Variants in GUCY1A2 observed in about 807,000 individuals in gnomAD.
The protein encoded by GUCY1A2 is guanylate cyclase soluble subunit alpha-2.
A neutral mutation model predicts 63.5 loss-of-function variants in GUCY1A2; 27 were observed. That is an observed-to-expected ratio of 0.43 (90% CI 0.31 to 0.59). GUCY1A2 has a LOEUF of 0.59. GUCY1A2 is among the 20% of genes least tolerant of loss of function. GUCY1A2 has a pLI of 0.11. For missense variants in GUCY1A2, 768 were observed against 913.3 expected, an observed-to-expected ratio of 0.84 and a Z score of 2.05; for synonymous variants, 364 against 343.5, an observed-to-expected ratio of 1.06 and a Z score of -0.66.
intron 5 of GUCY1A2, among the ~76,000 whole-genome samples, chr11:106,783,927 C>G (rs1864511081): frequency 6.6e-6 from 1 of 152,094 alleles, no homozygotes. Flanking sequence ...TCCACCCAAA[C>G]TTGGGCTCCA....
At chr11:106,772,885 A>C (rs2135399874) in intron 6 of GUCY1A2, among the ~76,000 whole-genome samples, 1 of 152,318 alleles carries the variant, frequency 6.6e-6, no homozygotes, top group South Asian at 2.1e-4. Flanking sequence ...GTGAGACAGT[A>C]TTCCTTTTGT....
rs549668323 is a variant in GUCY1A2 at position 106,842,707 on chromosome 11, G to A, written c.1207-32229C>T. On this transcript the variant is annotated intron_variant, in intron 4 of 7. Transcript: ENST00000526355. ...ACTTTAGTGTGAACCAGATCATAGT[G>A]GTGAGGAAAAAGGGGGTAGGGAGGA... is the stretch of plus-strand genomic sequence containing the variant. Among the ~76,000 whole-genome samples, 3 of 152,058 alleles carry A rather than the reference G, an allele frequency of 2.0e-5. No homozygotes were observed. The East Asian group carries it at 5.8e-4, about 30-fold the overall frequency.
intron 4 of GUCY1A2, among the ~76,000 whole-genome samples, chr11:106,858,514 T>C (rs971182753): frequency 1.3e-5 from 2 of 152,070 alleles, no homozygotes; most frequent in Non-Finnish European, 2.9e-5. Context: ...TATGGGGAAT[T>C]AGGAAACTTG....
intron 6 of GUCY1A2, among the ~76,000 whole-genome samples, chr11:106,709,319 A>T (rs1313955305): frequency 7.9e-5 from 5 of 63,380 alleles, no homozygotes; most frequent in African/African-American, 1.1e-4. Context: ...ATATATATTT[A>T]TATATATTAT....
intron 4 of GUCY1A2, among the ~76,000 whole-genome samples, chr11:106,898,141 G>A (rs1452831265): frequency 6.6e-6 from 1 of 152,112 alleles, no homozygotes; most frequent in Non-Finnish European, 1.5e-5. Context: ...TTAAAACAAT[G>A]AGATACCACT....
chr11:106,980,386 C>T (rs1269641680), intron 2 of GUCY1A2, among the ~76,000 whole-genome samples: 1 of 152,206 alleles, frequency 6.6e-6, no homozygotes, highest in African/African-American at 2.4e-5. Flanking sequence ...CTAGTGAGGG[C>T]ATGACAGCCA....
intron 1 of GUCY1A2, among the ~76,000 whole-genome samples, chr11:106,997,654 G>A (rs922434093): frequency 6.6e-5 from 8 of 120,986 alleles, no homozygotes; most frequent in African/African-American, 2.6e-4. Context: ...ATATATTAAG[G>A]TTAGACCTCT....
chr11:107,010,212 C>T (rs1861724616), intron 1 of GUCY1A2, among the ~76,000 whole-genome samples: 1 of 152,166 alleles, frequency 6.6e-6, no homozygotes, highest in Non-Finnish European at 1.5e-5. Flanking sequence ...ATGACTCTAG[C>T]CCTCAATGTT....
At chr11:106,959,960 C>G (rs1251811776) in intron 3 of GUCY1A2, among the ~76,000 whole-genome samples, 2 of 152,186 alleles carry the variant, frequency 1.3e-5, no homozygotes, top group Non-Finnish European at 2.9e-5. Flanking sequence ...TGCCCAGGAG[C>G]CTGTCTGAGT....
chr11:106,713,538 G>A (rs1425709659), intron 6 of GUCY1A2, among the ~76,000 whole-genome samples: 1 of 114,484 alleles, frequency 8.7e-6, no homozygotes, highest in Non-Finnish European at 1.6e-5. Flanking sequence ...ACGGAGTCTC[G>A]TCCTGTTGCC....
intron 6 of GUCY1A2, among the ~76,000 whole-genome samples, chr11:106,709,863 C>G (rs1204773483): frequency 2.1e-5 from 2 of 93,868 alleles, no homozygotes; most frequent in African/African-American, 3.6e-5. Context: ...ATATTATATA[C>G]ACGTATAGAA....
rs138095379 is a variant in GUCY1A2, at chr11:106,948,611, C to T, written c.488-8433G>A. 2.9e-3 allele frequency among the ~76,000 whole-genome samples: 446 copies of T among 152,236 alleles called. 16 individuals carry two copies. Among genetic ancestry groups the T allele is most frequent in the East Asian group, 1.9e-3 (10 of 5,188 alleles). On this transcript the variant is annotated intron_variant, in intron 3 of 7. Transcript: ENST00000526355. ...ATTTTAACTAAAATCAGAAATTTGA[C>T]AAGTATGCTTGCTATCATCGTTTTC... is the stretch of plus-strand genomic sequence containing the variant.
At position 106,682,796 on chromosome 11, in the gene GUCY1A2, CT is replaced by C; in HGVS notation, c.*4752del. 9.5e-6 allele frequency: 2 copies of C among 211,508 alleles called. No homozygotes were observed. The highest frequency in any genetic ancestry group is 2.3e-5 in the African/African-American group (1 of 44,220). 13.1% of individuals were successfully genotyped at this position (211,508 alleles called of 1,614,324 possible). A position where few individuals can be genotyped will look rare whatever the true frequency, so the allele number is the denominator to read the frequency against. ...CCTGTGTTATAAATGTATCAGTGAC[CT>C]TTTTTAATTAAAGGAAAGAAGGAAC... On this transcript the variant is annotated 3_prime_UTR_variant, in exon 8 of 8. Transcript: ENST00000526355.
At chr11:106,893,177 C>T (rs1859997628) in intron 4 of GUCY1A2, among the ~76,000 whole-genome samples, 1 of 152,066 alleles carries the variant, frequency 6.6e-6, no homozygotes, top group South Asian at 2.1e-4. Context: ...ACAAGATCAT[C>T]CTAAACATCT....
At chr11:106,782,160 G>C (rs2135406597) in intron 5 of GUCY1A2, among the ~76,000 whole-genome samples, 1 of 152,226 alleles carries the variant, frequency 6.6e-6, no homozygotes. Flanking sequence ...ACAGTCCTAG[G>C]TCTGTGCCTC....
intron 3 of GUCY1A2, among the ~76,000 whole-genome samples, chr11:106,978,201 T>A (rs568669647): frequency 6.6e-6 from 1 of 152,086 alleles, no homozygotes; most frequent in Non-Finnish European, 1.5e-5. Flanking sequence ...GAAAGGAACA[T>A]TGGATTGTAG....
At chr11:106,888,628 G>A (rs568525172) in intron 4 of GUCY1A2, among the ~76,000 whole-genome samples, 9 of 152,246 alleles carry the variant, frequency 5.9e-5, no homozygotes, top group South Asian at 2.1e-4. Context: ...GCCAACAGGC[G>A]TTTGTACCAC....
At chr11:106,839,637 A>T (rs1859168398) in intron 4 of GUCY1A2, among the ~76,000 whole-genome samples, 1 of 152,028 alleles carries the variant, frequency 6.6e-6, no homozygotes, top group Admixed American at 6.6e-5. Flanking sequence ...AGACTGGATT[A>T]AGAAAATGTG....
At chr11:106,910,573 T>A (rs941982834) in intron 4 of GUCY1A2, among the ~76,000 whole-genome samples, 1 of 152,106 alleles carries the variant, frequency 6.6e-6, no homozygotes, top group African/African-American at 2.4e-5. Context: ...TCCCCGCTTC[T>A]TTCTAGGCAC....
Sources: allele counts gnomAD v4.1 joint callset (sites outside exome capture counted in the v4.1 genomes callset), GRCh38; gene constraint gnomAD v4.1.1; transcripts MANE v1.5; gene names NCBI Gene and HGNC (gene_info 2026-07-23, HGNC 2026-07-21).